CMSS1: variants seen among roughly 807,000 people sequenced by gnomAD.
The protein encoded by CMSS1 is cms1 ribosomal small subunit homolog.
In CMSS1, 33 loss-of-function variants were observed where a neutral mutation model predicts 43.5. The observed-to-expected ratio is 0.76, with a 90% CI of 0.57 to 1.01. CMSS1 has a LOEUF of 1.01. Ranked by LOEUF, CMSS1 falls within the 50% of genes least tolerant of loss-of-function variation. The probability of loss-of-function intolerance (pLI) is 0.00; values close to 1 mark genes in which losing one functional copy is unlikely to be tolerated. For missense variants in CMSS1, 313 were observed against 326.4 expected (o/e 0.96, Z 0.32); for synonymous variants, 115 against 117.2 (o/e 0.98, Z 0.12).
At chr3:100,173,773 T>C (rs1164118455) in intron 8 of CMSS1, among the ~76,000 whole-genome samples, 1 of 152,104 alleles carries the variant, frequency 6.6e-6, no homozygotes, top group African/African-American at 2.4e-5. Context: ...TCACAAGGAA[T>C]TGATGAGGAG....
intron 1 of CMSS1, among the ~76,000 whole-genome samples, chr3:99,983,162 A>G (rs1709177498): frequency 6.6e-6 from 1 of 151,776 alleles, no homozygotes; most frequent in Non-Finnish European, 1.5e-5. Context: ...TTGAAAAAAA[A>G]TTTCTCAGGG....
intron 1 of CMSS1, among the ~76,000 whole-genome samples, chr3:100,027,882 G>A (rs1465864709): frequency 1.3e-5 from 2 of 152,164 alleles, no homozygotes; most frequent in African/African-American, 2.4e-5. Flanking sequence ...AACTAGAGTT[G>A]GGAGTGAGAG....
chr3:99,882,109 T>C (rs1445916240), intron 1 of CMSS1, among the ~76,000 whole-genome samples: 1 of 152,192 alleles, frequency 6.6e-6, no homozygotes, highest in African/African-American at 2.4e-5. Context: ...AAATTTTAAT[T>C]ATAAACTTCA....
intron 1 of CMSS1, among the ~76,000 whole-genome samples, chr3:100,056,503 G>T (rs529021175): frequency 4.6e-4 from 70 of 152,172 alleles, no homozygotes; most frequent in Non-Finnish European, 7.1e-4. Context: ...ATCTGCTCTT[G>T]TTGAGCTAGA....
Position 99,948,340 on chromosome 3 carries a change from A to C in CMSS1, c.64+130297A>C, listed in dbSNP as rs182664286. Among the ~76,000 whole-genome samples the C allele has an allele frequency of 2.6e-5, 4 of 152,152 alleles. No individual in the cohort carries two copies. In the East Asian group the frequency reaches 7.7e-4, roughly 29 times the overall value. ...AGACTGTCTCTCCAAAAAAATAAAA[A>C]AATTAAAAAATTTTTTAAAAATTAA... On this transcript the variant is annotated intron_variant, in intron 1 of 9. Transcript: ENST00000421999.
intron 1 of CMSS1, among the ~76,000 whole-genome samples, chr3:99,875,131 A>T (rs1705445924): frequency 6.6e-6 from 1 of 152,244 alleles, no homozygotes; most frequent in African/African-American, 2.4e-5. Flanking sequence ...CTCCTATTCC[A>T]GTGTTCTAAA....
At chr3:99,919,406 T>C (rs2107648515) in intron 1 of CMSS1, among the ~76,000 whole-genome samples, 2 of 149,444 alleles carry the variant, frequency 1.3e-5, no homozygotes, top group Middle Eastern at 3.4e-3. Flanking sequence ...ATCTACCTTG[T>C]TCGCCCAGTA....
chr3:100,046,785 G>A lies in CMSS1; in HGVS notation c.65-100188G>A, dbSNP rs145325888. On this transcript the variant is annotated intron_variant, in intron 1 of 9. Coordinates refer to ENST00000421999, the MANE Select transcript of CMSS1 (RefSeq NM_032359.4). ...AACCTGATAAGGCCAGGTCTGATTA[G>A]CCTTTGTATCTTCAATACCTCAGCC... 1.4e-4 allele frequency among the ~76,000 whole-genome samples: 22 copies of A among 152,288 alleles called. No individual in the cohort carries two copies. The East Asian group carries it at 4.1e-3, about 28-fold the overall frequency.
chr3:100,046,769 A>T (rs1042544129), intron 1 of CMSS1, among the ~76,000 whole-genome samples: 2 of 152,198 alleles, frequency 1.3e-5, no homozygotes, highest in African/African-American at 4.8e-5. Flanking sequence ...AAACCTGATA[A>T]GGCCAGGTCT....
intron 1 of CMSS1, among the ~76,000 whole-genome samples, chr3:99,964,146 G>A (rs1229017196): frequency 2.0e-5 from 3 of 151,888 alleles, no homozygotes; most frequent in South Asian, 2.1e-4. Context: ...ATGCTCAGTA[G>A]GAAGTACATT....
intron 1 of CMSS1, among the ~76,000 whole-genome samples, chr3:99,929,513 A>T (rs1443169452): frequency 1.3e-5 from 2 of 148,168 alleles, no homozygotes; most frequent in South Asian, 2.2e-4. Context: ...AAGTTCCCAG[A>T]GTGTGTGTGT....
At chr3:99,937,231 C>T (rs1184475341) in intron 1 of CMSS1, among the ~76,000 whole-genome samples, 1 of 152,186 alleles carries the variant, frequency 6.6e-6, no homozygotes, top group Non-Finnish European at 1.5e-5. Flanking sequence ...AGCCACCATG[C>T]CCAGCCTAGC....
intron 1 of CMSS1, among the ~76,000 whole-genome samples, chr3:99,943,764 A>G (rs1020586810): frequency 2.0e-5 from 3 of 152,224 alleles, no homozygotes; most frequent in Non-Finnish European, 4.4e-5. Context: ...TATAATCCAA[A>G]TATAAGCAAA....
Position 99,859,077 on chromosome 3 carries a change from T to G in CMSS1, c.64+41034T>G, listed in dbSNP as rs150396196. ...AAAGTCCTAAATGACAAAACTGTTT[T>G]CATAAGACATTGTGTTTTGTTTGAA... On this transcript the variant is annotated intron_variant, in intron 1 of 9. Transcript: ENST00000421999. 4.3e-3 allele frequency among the ~76,000 whole-genome samples: 661 copies of G among 152,384 alleles called. 7 individuals carry two copies. The highest frequency in any genetic ancestry group is 0.016 in the African/African-American group (648 of 41,598).
At chr3:99,930,747 G>A (rs760548065) in intron 1 of CMSS1, 5 of 1,610,638 alleles carry the variant, frequency 3.1e-6, no homozygotes, top group Middle Eastern at 3.5e-4. Flanking sequence ...AGCATGATGG[G>A]GATAACTCCA....
intron 1 of CMSS1, among the ~76,000 whole-genome samples, chr3:99,899,070 C>CA (rs1706354229): frequency 6.6e-6 from 1 of 152,164 alleles, no homozygotes; most frequent in African/African-American, 2.4e-5. Flanking sequence ...ACCTCAAAGA[C>CA]AGCTACAGTG....
At position 99,901,466 on chromosome 3, in the gene CMSS1, T is replaced by C. The variant is rs187151598; in HGVS notation, c.64+83423T>C. ...TGTCCCTGGAGAAGCTATTAAACAC[T>C]GAACAAAATGCCTCAGAATGAAACT... On this transcript the variant is annotated intron_variant, in intron 1 of 9. Coordinates refer to ENST00000421999, the MANE Select transcript of CMSS1 (RefSeq NM_032359.4). Among the ~76,000 whole-genome samples, 65 of 152,342 alleles carry C rather than the reference T, an allele frequency of 4.3e-4. 1 individual carries two copies. In the South Asian group the frequency reaches 7.7e-3, roughly 18 times the overall value.
chr3:100,014,806 G>C (rs1710271837), intron 1 of CMSS1, among the ~76,000 whole-genome samples: 1 of 93,814 alleles, frequency 1.1e-5, no homozygotes, highest in South Asian at 4.1e-4. Flanking sequence ...TCATTCTATT[G>C]ATTTTTTTTT....
intron 1 of CMSS1, among the ~76,000 whole-genome samples, chr3:99,903,822 C>T (rs1237742439): frequency 6.6e-6 from 1 of 152,128 alleles, no homozygotes; most frequent in Non-Finnish European, 1.5e-5. Context: ...CTACACAATG[C>T]TCTTTTCTTA....
Sources: allele counts gnomAD v4.1 joint callset (sites outside exome capture counted in the v4.1 genomes callset), GRCh38; gene constraint gnomAD v4.1.1; transcripts MANE v1.5; gene names NCBI Gene and HGNC (gene_info 2026-07-23, HGNC 2026-07-21).